The following SRGN variants were observed in gnomAD, a reference collection of about 807,000 sequenced individuals.
SRGN encodes hematopoetic proteoglycan core peptide.
SRGN carries 2 observed loss-of-function variants against 9.5 expected under a neutral mutation model. That is an observed-to-expected ratio of 0.21 (90% confidence interval 0.09 to 0.66). The LOEUF is 0.66. Among genes scored for constraint, SRGN ranks in the 30% least tolerant of loss-of-function variants. The pLI is 0.83. For synonymous variants in SRGN, 59 were observed against 72.3 expected, an observed-to-expected ratio of 0.82 and a Z score of 0.93; for missense variants, 170 against 192.4, an observed-to-expected ratio of 0.88 and a Z score of 0.69.
chr10:69,103,760 G>T, intron 2 of SRGN, 111 bp from the exon 3 acceptor site: 7 of 1,159,464 alleles, frequency 6.0e-6, no homozygotes, highest in Non-Finnish European at 8.3e-6. Context: ...CTCTTAATTT[G>T]AGCAACTAGA....
chr10:69,091,879 CAAAAAAAAAAAAAAAAAA>C (rs1177012248), intron 1 of SRGN, among the ~76,000 whole-genome samples: 4 of 31,770 alleles, frequency 1.3e-4, no homozygotes, highest in East Asian at 9.8e-4. Context: ...GACTCTGTCT[CAAAAAAAAAAAAAAAAAA>C]AAAAAAAAAA....
chr10:69,098,470 G>A (rs543241802), intron 2 of SRGN: 1 of 152,170 alleles, frequency 6.6e-6, no homozygotes, highest in Admixed American at 6.5e-5. Flanking sequence ...GGTTTTTTTT[G>A]GAGGAGGTGA....
intron 2 of SRGN, 81 bp downstream of exon 2, chr10:69,097,312 G>A (rs773082653): frequency 4.9e-6 from 6 of 1,213,788 alleles, no homozygotes; most frequent in Non-Finnish European, 7.0e-6. Flanking sequence ...CCAGGCTGGA[G>A]TGCAATGGCG....
At position 69,097,561 on chromosome 10, in the gene SRGN, G is replaced by T. The variant is rs186136464; in HGVS notation, c.227+330G>T. ...CCCGCCTCAGCCTCCCGAGTAGCTG[G>T]GACTACAGGCACCCGCCACCACGCC... is the stretch of plus-strand genomic sequence containing the variant. On this transcript the variant is annotated intron_variant, in intron 2 of 2. Coordinates refer to ENST00000242465, the MANE Select transcript of SRGN (RefSeq NM_002727.4). Among the ~76,000 whole-genome samples, 8 of 152,070 alleles carry T rather than the reference G, an allele frequency of 5.3e-5. No individual in the cohort carries two copies. In the East Asian group the frequency reaches 1.5e-3, roughly 29 times the overall value.
chr10:69,094,767 T>C (rs996808143), intron 1 of SRGN, among the ~76,000 whole-genome samples: 2 of 151,838 alleles, frequency 1.3e-5, no homozygotes, highest in Non-Finnish European at 2.9e-5. Context: ...TTTTAAAATC[T>C]TTTTTCTCTT....
At chr10:69,103,529 C>A (rs2132162461) in intron 2 of SRGN, among the ~76,000 whole-genome samples, 1 of 152,188 alleles carries the variant, frequency 6.6e-6, no homozygotes, top group Non-Finnish European at 1.5e-5. Flanking sequence ...GGCAACAGAG[C>A]AAGACTCTGC....
At chr10:69,091,702 A>C (rs947716471) in intron 1 of SRGN, among the ~76,000 whole-genome samples, 4 of 151,516 alleles carry the variant, frequency 2.6e-5, no homozygotes, top group African/African-American at 7.3e-5. Flanking sequence ...AACATGGTGA[A>C]ACCCCCATCT....
chr10:69,087,855 G>A (rs931170531), upstream of SRGN, among the ~76,000 whole-genome samples: 1 of 151,918 alleles, frequency 6.6e-6, no homozygotes. Context: ...CTACTGTTTC[G>A]GTGGGAAAAA....
intron 2 of SRGN, among the ~76,000 whole-genome samples, chr10:69,097,487 C>T (rs1253846646): frequency 7.1e-6 from 1 of 140,406 alleles, no homozygotes; most frequent in South Asian, 2.2e-4. Context: ...AGTGCAGTGG[C>T]GCAATCTCGG....
chr10:69,094,489 A>G (rs1012042237), intron 1 of SRGN, among the ~76,000 whole-genome samples: 1 of 152,112 alleles, frequency 6.6e-6, no homozygotes, highest in Non-Finnish European at 1.5e-5. Flanking sequence ...ATTTTTGTGT[A>G]TTTCCTTCCA....
intron 1 of SRGN, among the ~76,000 whole-genome samples, chr10:69,091,504 A>C (rs1328424660): frequency 6.6e-6 from 1 of 152,132 alleles, no homozygotes; most frequent in African/African-American, 2.4e-5. Context: ...CATTTTGAAT[A>C]AATCAAATGG....
At chr10:69,103,021 C>A (rs942291643) in intron 2 of SRGN, among the ~76,000 whole-genome samples, 1 of 151,922 alleles carries the variant, frequency 6.6e-6, no homozygotes. Flanking sequence ...CTCACTGCAA[C>A]CTCCGCCTCC....
chr10:69,094,865 G>T (rs1453637621), intron 1 of SRGN, among the ~76,000 whole-genome samples: 1 of 151,506 alleles, frequency 6.6e-6, no homozygotes, highest in Non-Finnish European at 1.5e-5. Flanking sequence ...GTCTCCCAAA[G>T]TGCTGGGATT....
Position 69,103,888 on chromosome 10 carries a change from A to G in SRGN, c.245A>G (p.Asp82Gly). Residue 82 changes from aspartate to glycine, a missense_variant, in exon 3 of 3, where the codon GAC (aspartate) becomes GGC (glycine). Transcript: ENST00000242465. ...TDLFPKTRIQ[D>G]LNRIFPLSED... ...TACTTCAGAAAGACGAGAATCCAGG[A>G]CTTGAATCGTATCTTCCCACTTTCT... 6.2e-7 allele frequency: 1 copy of G among 1,614,010 alleles called. No homozygotes were observed. Among genetic ancestry groups the G allele is most frequent in the Non-Finnish European group, 8.5e-7 (1 of 1,179,922 alleles).
intron 2 of SRGN, among the ~76,000 whole-genome samples, chr10:69,097,529 C>T (rs1334459985): frequency 6.6e-6 from 1 of 151,024 alleles, no homozygotes; most frequent in East Asian, 1.9e-4. Flanking sequence ...TGGGTTCACG[C>T]CATTCTCCCG....
intron 1 of SRGN, among the ~76,000 whole-genome samples, chr10:69,089,372 G>T (rs1028242935): frequency 6.6e-6 from 1 of 152,122 alleles, no homozygotes; most frequent in African/African-American, 2.4e-5. Flanking sequence ...AATATCTTCA[G>T]CTTGATGAAA....
intron 1 of SRGN, among the ~76,000 whole-genome samples, chr10:69,095,025 C>T (rs111812011): frequency 0.2 from 29,812 of 151,522 alleles, 3,657 homozygotes; most frequent in South Asian, 0.27. Context: ...AAAGTACTTT[C>T]GGCCGGGTGT....
At chr10:69,089,390 C>T (rs531218310) in intron 1 of SRGN, among the ~76,000 whole-genome samples, 3 of 152,150 alleles carry the variant, frequency 2.0e-5, no homozygotes, top group South Asian at 2.1e-4. Flanking sequence ...AAATAATTCC[C>T]GAATAGCCAA....
intron 1 of SRGN, among the ~76,000 whole-genome samples, chr10:69,094,080 T>A (rs1303624019): frequency 1.3e-5 from 2 of 152,208 alleles, no homozygotes; most frequent in East Asian, 3.8e-4. Context: ...CTAACATTTG[T>A]ATCTCCTTAT....
Sources: gnomAD v4.1 joint callset for allele counts (sites outside exome capture counted in the v4.1 genomes callset) on GRCh38, gnomAD v4.1.1 for gene constraint, MANE v1.5 for transcripts, NCBI Gene and HGNC (gene_info 2026-07-23, HGNC 2026-07-21) for gene names.